The following PPP3CA variants were observed in gnomAD, a reference collection of about 807,000 sequenced individuals.
PPP3CA encodes protein phosphatase 3 catalytic subunit alpha, also known as CAM-PRP catalytic subunit.
In PPP3CA, 14 loss-of-function variants were observed where a neutral mutation model predicts 66.5. The observed-to-expected ratio is 0.21, with a 90% CI of 0.14 to 0.33. The LOEUF is 0.33. PPP3CA is among the 10% of genes least tolerant of loss of function. The pLI is 1.00. For synonymous variants in PPP3CA, 232 were observed against 226.2 expected, an observed-to-expected ratio of 1.03 and a Z score of -0.23; for missense variants, 317 against 639.5, an observed-to-expected ratio of 0.50 and a Z score of 5.44.
At chr4:101,240,845 T>C (rs1486047560) in intron 1 of PPP3CA, 1 of 152,084 alleles carries the variant, frequency 6.6e-6, no homozygotes. Flanking sequence ...GAGGCAACAA[T>C]ATGTTCCACA....
chr4:101,336,301 T>C (rs1729632704), intron 1 of PPP3CA, among the ~76,000 whole-genome samples: 1 of 151,842 alleles, frequency 6.6e-6, no homozygotes, highest in Admixed American at 6.6e-5. Flanking sequence ...CCGGCCGCAG[T>C]GGCTCACGCC....
intron 1 of PPP3CA, among the ~76,000 whole-genome samples, chr4:101,248,369 C>T (rs1445189100): frequency 1.3e-5 from 2 of 152,164 alleles, no homozygotes; most frequent in Non-Finnish European, 2.9e-5. Context: ...GCATGCAATA[C>T]ATAACTGCTC....
At chr4:101,247,214 T>A (rs1233289654) in intron 1 of PPP3CA, among the ~76,000 whole-genome samples, 1 of 151,726 alleles carries the variant, frequency 6.6e-6, no homozygotes, top group Non-Finnish European at 1.5e-5. Context: ...CAGGCTGGAG[T>A]GCAGTGGTGC....
At chr4:101,155,500 G>C (rs1286323049) in intron 2 of PPP3CA, among the ~76,000 whole-genome samples, 2 of 152,146 alleles carry the variant, frequency 1.3e-5, no homozygotes, top group Non-Finnish European at 2.9e-5. Context: ...ACAGAGGCAA[G>C]CACTCCAAGA....
intron 10 of PPP3CA, among the ~76,000 whole-genome samples, chr4:101,043,358 G>A (rs1049312430): frequency 6.6e-6 from 1 of 152,048 alleles, no homozygotes; most frequent in African/African-American, 2.4e-5. Context: ...CTTGGTATAA[G>A]CTGATGATCA....
chr4:101,104,636 G>T lies in PPP3CA; in HGVS notation c.384+4318C>A, dbSNP rs1177786228. ...TACATGTTCCTTGCAAAACTGTCAA[G>T]AATAAATGAGGTCATTCAAACTATT... On this transcript the variant is annotated intron_variant, in intron 3 of 13. Coordinates refer to ENST00000394854, the MANE Select transcript of PPP3CA (RefSeq NM_000944.5). Among the ~76,000 whole-genome samples, 3 of 152,024 alleles carry T rather than the reference G, an allele frequency of 2.0e-5. No individual in the cohort carries two copies. The East Asian group carries it at 5.8e-4, about 29-fold the overall frequency.
intron 1 of PPP3CA, among the ~76,000 whole-genome samples, chr4:101,296,348 G>A (rs1301284980): frequency 6.6e-6 from 1 of 152,040 alleles, no homozygotes; most frequent in African/African-American, 2.4e-5. Context: ...TAAGTATTTT[G>A]TATGTGAAAA....
At chr4:101,293,645 C>T (rs1471056862) in intron 1 of PPP3CA, among the ~76,000 whole-genome samples, 4 of 152,214 alleles carry the variant, frequency 2.6e-5, no homozygotes, top group East Asian at 1.9e-4. Flanking sequence ...CTGTTCCCCA[C>T]CTGCATGTCT....
chr4:101,285,648 TGTGTG>T, intron 1 of PPP3CA, among the ~76,000 whole-genome samples: 3 of 149,186 alleles, frequency 2.0e-5, no homozygotes, highest in Admixed American at 6.7e-5. Context: ...TGTGTGTGTG[TGTGTG>T]TTTTCTAATA....
At chr4:101,215,945 G>A (rs1022320205) in intron 1 of PPP3CA, among the ~76,000 whole-genome samples, 1 of 152,110 alleles carries the variant, frequency 6.6e-6, no homozygotes, top group African/African-American at 2.4e-5. Context: ...GCACTAAGGA[G>A]TGAAGAGAAG....
At chr4:101,327,454 T>C (rs1729242038) in intron 1 of PPP3CA, among the ~76,000 whole-genome samples, 1 of 151,666 alleles carries the variant, frequency 6.6e-6, no homozygotes, top group South Asian at 2.1e-4. Flanking sequence ...TACTTTAAAA[T>C]TTCACTCATA....
chr4:101,107,944 A>G (rs1427116378), intron 3 of PPP3CA: 2 of 152,198 alleles, frequency 1.3e-5, no homozygotes, highest in Non-Finnish European at 2.9e-5. Flanking sequence ...CTGATTCTTT[A>G]AAACTTATTC....
At chr4:101,199,814 T>C (rs777798251) in intron 1 of PPP3CA, among the ~76,000 whole-genome samples, 3 of 152,220 alleles carry the variant, frequency 2.0e-5, no homozygotes, top group Non-Finnish European at 4.4e-5. Context: ...AGAGAGTTTA[T>C]CTATCTGATA....
intron 5 of PPP3CA, among the ~76,000 whole-genome samples, chr4:101,094,946 G>A (rs1730126801): frequency 6.6e-6 from 1 of 151,584 alleles, no homozygotes; most frequent in Non-Finnish European, 1.5e-5. Context: ...GAAGACAAGT[G>A]AACATATTTT....
chr4:101,147,187 G>T (rs1722997657), intron 2 of PPP3CA, among the ~76,000 whole-genome samples: 1 of 152,154 alleles, frequency 6.6e-6, no homozygotes, highest in Non-Finnish European at 1.5e-5. Flanking sequence ...GCAATACAGT[G>T]AATTGTCAAA....
At chr4:101,132,907 A>C (rs1003269776) in intron 2 of PPP3CA, among the ~76,000 whole-genome samples, 1 of 152,210 alleles carries the variant, frequency 6.6e-6, no homozygotes, top group African/African-American at 2.4e-5. Flanking sequence ...CACCACGATA[A>C]AGTCAGCTTC....
intron 2 of PPP3CA, among the ~76,000 whole-genome samples, chr4:101,150,365 A>C (rs1427558748): frequency 6.6e-6 from 1 of 152,178 alleles, no homozygotes; most frequent in Admixed American, 6.5e-5. Flanking sequence ...AGTATTGTGC[A>C]GTGTGAAGAG....
At chr4:101,318,154 A>C (rs1208491534) in intron 1 of PPP3CA, among the ~76,000 whole-genome samples, 1 of 152,206 alleles carries the variant, frequency 6.6e-6, no homozygotes, top group Admixed American at 6.5e-5. Flanking sequence ...TTGTATTTTT[A>C]AGAAATATTC....
chr4:101,171,413 G>C (rs1399505881), intron 2 of PPP3CA, among the ~76,000 whole-genome samples: 2 of 149,686 alleles, frequency 1.3e-5, no homozygotes, highest in Admixed American at 1.3e-4. Context: ...GGTTAAAAGA[G>C]AACTTGCCTG....
Sources: gnomAD v4.1 joint callset for allele counts (sites outside exome capture counted in the v4.1 genomes callset) on GRCh38, gnomAD v4.1.1 for gene constraint, MANE v1.5 for transcripts, NCBI Gene and HGNC (gene_info 2026-07-23, HGNC 2026-07-21) for gene names.